The following DSC1 variants were observed in gnomAD, a reference collection of about 807,000 sequenced individuals.
DSC1 encodes desmocollin-1.
Under a neutral mutation model 98.8 loss-of-function variants are expected in DSC1, and 79 were observed. The ratio of observed to expected loss-of-function variants is 0.80; its 90% CI spans 0.67 to 0.96. The LOEUF (loss-of-function observed/expected upper bound fraction) is 0.96, where lower values mean the gene tolerates loss of function less well. DSC1 is among the 50% of genes least tolerant of loss of function. The probability of loss-of-function intolerance (pLI) is 0.00; values close to 1 mark genes in which losing one functional copy is unlikely to be tolerated. For missense variants in DSC1, 1,115 were observed against 1,075.9 expected (o/e 1.04, Z -0.51); for synonymous variants, 405 against 372.1 (o/e 1.09, Z -1.02).
rs1989119440 is a variant in DSC1 at position 31,157,415 on chromosome 18, C to G, written c.307G>C (p.Glu103Gln). Residue 103 changes from glutamate (E) to glutamine (Q), a missense_variant, in exon 3 of 16, where the codon GAA (glutamate) becomes CAA (glutamine). By Grantham distance (29) the Glu-to-Gln change is conservative. Transcript: ENST00000257198. ...SIFLSDGQRR[E>Q]QQEIKVVLSA... ...AGTACAACTTTTATCTCTTGTTGTTCCCGTCTCTGACCATCTGAAAGGAAA... is the reference window on the plus strand; with the variant it reads ...AGTACAACTTTTATCTCTTGTTGTTGCCGTCTCTGACCATCTGAAAGGAAA... The G allele has an allele frequency of 1.9e-6, 3 of 1,614,136 alleles. No homozygotes were observed. The highest frequency in any genetic ancestry group is 2.5e-6 in the Non-Finnish European group (3 of 1,180,024).
rs763201484 is a variant in DSC1, at chr18:31,130,682, C to G, written c.2517G>C (p.Glu839Asp). ...AAACGTAGTCTTCACAATGTTTATG[C>G]TCCTCATCTTGTCCACACAAATACA... is the stretch of plus-strand genomic sequence containing the variant. ...EKVYLCGQDE[E>D]HKHCEDYVCS... The change falls in exon 16 of 16, where the codon GAG becomes GAC. Residue 839 changes from glutamate (E) to aspartate (D), a missense_variant. Physicochemically the swap from Glu to Asp is conservative, Grantham distance 45 (BLOSUM62 2). Transcript: ENST00000257198. 7.4e-6 allele frequency: 12 copies of G among 1,614,144 alleles called. No homozygotes were observed. Among genetic ancestry groups the G allele is most frequent in the Non-Finnish European group, 9.3e-6 (11 of 1,180,022 alleles).
intron 7 of DSC1, among the ~76,000 whole-genome samples, chr18:31,144,379 G>T (rs1456202349): frequency 6.6e-6 from 1 of 152,056 alleles, no homozygotes; most frequent in African/African-American, 2.4e-5. Flanking sequence ...TCCTTCAGTA[G>T]GTAAATAAAC....
chr18:31,157,584 G>A lies in DSC1; in HGVS notation c.149-11C>T. On this transcript the variant is annotated splice_polypyrimidine_tract_variant and intron_variant, in intron 2 of 15. Transcript: ENST00000257198. ...ACTCCTCCAGATTCACTGCAGGGAA[G>A]AAATATCACAGCAGTTTGTCAGATG... 2 of 1,613,948 alleles carry A rather than the reference G, an allele frequency of 1.2e-6. No individual in the cohort carries two copies. The highest frequency in any genetic ancestry group is 1.7e-6 in the Non-Finnish European group (2 of 1,179,848).
At position 31,130,392 on chromosome 18, in the gene DSC1, CT is replaced by C. The variant is rs1027002498; in HGVS notation, c.*121del. The C allele has an allele frequency of 6.9e-5, 69 of 1,000,460 alleles. No homozygotes were observed. In the Middle Eastern group the frequency reaches 7.9e-4, roughly 11 times the overall value. The allele number at this position is 1,000,460 out of a possible 1,614,324, so 62.0% of individuals were successfully genotyped here. On this transcript the variant is annotated 3_prime_UTR_variant, in exon 16 of 16. Coordinates refer to ENST00000257198, the MANE Select transcript of DSC1 (RefSeq NM_024421.2). ...AGGGGAATCTCATATTTATAGTACC[CT>C]TACCTATACATGACAAAGTTTACCT...
chr18:31,139,025 A>G (rs961357714), intron 11 of DSC1, among the ~76,000 whole-genome samples: 4 of 152,008 alleles, frequency 2.6e-5, no homozygotes, highest in African/African-American at 9.7e-5. Flanking sequence ...TATGATGTAT[A>G]CATTAGTATA....
chr18:31,134,590 TC>T lies in DSC1; in HGVS notation c.1857del (p.Trp619Ter), dbSNP rs781156353. On this transcript the variant is annotated frameshift_variant, in exon 12 of 16. Coordinates refer to ENST00000257198, the MANE Select transcript of DSC1 (RefSeq NM_024421.2). LOFTEE classifies it high-confidence loss of function. ...FFLDNSASKN[W>X]NIEEKDGKTA... ...TACATACCATCCTTTTCTTCTATGT[TC>T]CAGTTTTTACTGGCAGAATTATCCA... 128 of 1,610,250 alleles carry T rather than the reference TC, an allele frequency of 7.9e-5. No individual in the cohort carries two copies. The highest frequency in any genetic ancestry group is 1.0e-4 in the Non-Finnish European group (122 of 1,177,870).
At chr18:31,152,801 T>A (rs565626218) in intron 5 of DSC1, among the ~76,000 whole-genome samples, 1 of 152,112 alleles carries the variant, frequency 6.6e-6, no homozygotes, top group East Asian at 2.0e-4. Context: ...TAAAGTATAT[T>A]ACGTTAAAAA....
At chr18:31,134,232 A>G in intron 12 of DSC1, 102 bp from the exon 13 acceptor site, 3 of 1,437,524 alleles carry the variant, frequency 2.1e-6, no homozygotes, top group Non-Finnish European at 2.8e-6. Context: ...TAGAATAAAA[A>G]CTCGAATTTT....
At chr18:31,146,013 C>T (rs1022701101) in intron 6 of DSC1, among the ~76,000 whole-genome samples, 1 of 152,168 alleles carries the variant, frequency 6.6e-6, no homozygotes, top group East Asian at 1.9e-4. Flanking sequence ...TAGATGAGAA[C>T]AGTTCCCACA....
At position 31,140,453 on chromosome 18, in the gene DSC1, T is replaced by G. The variant is rs918017123; in HGVS notation, c.1261-152A>C. On this transcript the variant is annotated intron_variant, in intron 9 of 15. Transcript: ENST00000257198. ...AGTTAAAGACCAACAATTAGCTTCC[T>G]AAAGTGACAAACATTGCCAAATGCA... The G allele has an allele frequency of 6.2e-5, 48 of 770,326 alleles. No individual in the cohort carries two copies. The African/African-American group carries it at 6.8e-4, about 11-fold the overall frequency. 47.7% of individuals were successfully genotyped at this position (770,326 alleles called of 1,614,324 possible).
chr18:31,130,152 A>G lies in DSC1; in HGVS notation c.*362T>C, dbSNP rs181445972. On this transcript the variant is annotated 3_prime_UTR_variant, in exon 16 of 16. Transcript: ENST00000257198. The stretch of plus-strand genomic sequence containing the variant: ...AACATATTTAATTCGTACATCTACA[A>G]TGCAAATTCATCTTTCATTGGCCTC... 5 of 189,138 alleles carry G rather than the reference A, an allele frequency of 2.6e-5. No individual in the cohort carries two copies. The East Asian group carries it at 5.3e-4, about 20-fold the overall frequency. The allele number at this position is 189,138 out of a possible 1,614,324, so 11.7% of individuals were successfully genotyped here. A position where few individuals can be genotyped will look rare whatever the true frequency, so the allele number is the denominator to read the frequency against.
Position 31,137,668 on chromosome 18 carries a change from TATG to T in DSC1, c.1663+2077_1663+2079del, listed in dbSNP as rs1239264311. On this transcript the variant is annotated intron_variant, in intron 11 of 15. Coordinates refer to ENST00000257198, the MANE Select transcript of DSC1 (RefSeq NM_024421.2). Reference sequence around the variant, plus strand: ...CCTTTTCTACAGAAGCCACACCATATATGATAATTGTTATCCCCAGTTCAAAAG... The same window carrying T: ...CCTTTTCTACAGAAGCCACACCATATATAATTGTTATCCCCAGTTCAAAAG... Among the ~76,000 whole-genome samples the T allele has an allele frequency of 2.0e-5, 3 of 151,288 alleles. No homozygotes were observed. The East Asian group carries it at 5.8e-4, about 29-fold the overall frequency.
At chr18:31,134,525 C>A (rs375131780) in intron 12 of DSC1, 47 bp downstream of exon 12, 2 of 1,410,744 alleles carry the variant, frequency 1.4e-6, no homozygotes, top group African/African-American at 1.4e-5. Flanking sequence ...AGAACCATCA[C>A]CAATCTGAAG....
intron 7 of DSC1, among the ~76,000 whole-genome samples, chr18:31,144,457 C>T (rs1170504397): frequency 6.6e-6 from 1 of 151,968 alleles, no homozygotes; most frequent in Non-Finnish European, 1.5e-5. Context: ...CTTAAAAAGA[C>T]ATGAAAGAAA....
intron 8 of DSC1, among the ~76,000 whole-genome samples, chr18:31,142,920 A>G (rs774994180): frequency 6.6e-6 from 1 of 152,072 alleles, no homozygotes; most frequent in African/African-American, 2.4e-5. Flanking sequence ...AATATGAGGT[A>G]AAATATATCC....
At position 31,139,824 on chromosome 18, in the gene DSC1, A is replaced by G. The variant is rs1426355455; in HGVS notation, c.1587T>C (p.Thr529=). Residue 529 remains threonine (T), a synonymous_variant, in exon 11 of 16, where the codon ACT becomes ACC. Transcript: ENST00000257198. The part of the protein sequence containing the change: ...EINQHTGDLR[T]LKVLDRESKF... ...TGGATTCTCTATCTAGTACTTTTAG[A>G]GTTCTCAAGTCGCCAGTGTGTTGAT... 1.2e-6 allele frequency: 2 copies of G among 1,612,362 alleles called. No individual in the cohort carries two copies. Among genetic ancestry groups the G allele is most frequent in the Admixed American group, 3.4e-5 (2 of 59,460 alleles).
At position 31,145,721 on chromosome 18, in the gene DSC1, T is replaced by C; in HGVS notation, c.829A>G (p.Thr277Ala). 1 of 1,614,140 alleles carries C rather than the reference T, an allele frequency of 6.2e-7. No individual in the cohort carries two copies. Among genetic ancestry groups the C allele is most frequent in the South Asian group, 1.1e-5 (1 of 91,080 alleles). ...TDLDEPDTLH[T>A]RLKYKILQQI... ...TGTAAGATTTTATATTTCAGACGAGTATGGAGAGTGTCAGGTTCGTCAAGG... is the reference window on the plus strand; with the variant it reads ...TGTAAGATTTTATATTTCAGACGAGCATGGAGAGTGTCAGGTTCGTCAAGG... The change falls in exon 7 of 16, where the codon ACT (threonine) becomes GCT (alanine). Residue 277 changes from threonine (T) to alanine (A), a missense_variant. Coordinates refer to ENST00000257198, the MANE Select transcript of DSC1 (RefSeq NM_024421.2).
At chr18:31,158,239 C>T (rs796387976) in intron 2 of DSC1, among the ~76,000 whole-genome samples, 5 of 152,174 alleles carry the variant, frequency 3.3e-5, no homozygotes, top group African/African-American at 1.2e-4. Context: ...TGCACTTCAG[C>T]CTGGGCAACA....
At chr18:31,134,821 A>AAAAT in intron 11 of DSC1, 37 bp from the exon 12 acceptor site, 2 of 1,553,998 alleles carry the variant, frequency 1.3e-6, no homozygotes, top group Non-Finnish European at 1.8e-6. Context: ...TCTTCACATG[A>AAAAT]AAATGCATTT....
Sources: gnomAD v4.1 joint callset for allele counts (sites outside exome capture counted in the v4.1 genomes callset) on GRCh38, gnomAD v4.1.1 for gene constraint, MANE v1.5 for transcripts, NCBI Gene and HGNC (gene_info 2026-07-23, HGNC 2026-07-21) for gene names.